Variants in SND1 observed in about 807,000 individuals in gnomAD.
The protein encoded by SND1 is staphylococcal nuclease and tudor domain containing 1.
Under a neutral mutation model 121.7 loss-of-function variants are expected in SND1, and 38 were observed. The ratio of observed to expected loss-of-function variants is 0.31; its 90% CI spans 0.24 to 0.41. SND1 has a LOEUF of 0.41. Among genes scored for constraint, SND1 ranks in the 10% least tolerant of loss-of-function variants. SND1 has a pLI of 1.00. For missense variants in SND1, 868 were observed against 1,184.6 expected (o/e 0.73, Z 3.92); for synonymous variants, 401 against 447.4 (o/e 0.90, Z 1.31).
chr7:128,084,951 T>A, intron 19 of SND1, 104 bp downstream of exon 19: 1 of 1,210,722 alleles, frequency 8.3e-7, no homozygotes, highest in Non-Finnish European at 1.1e-6. Context: ...CCCAGCTGGT[T>A]AATGATGGCC....
intron 16 of SND1, chr7:128,028,501 G>T: frequency 8.4e-6 from 5 of 595,340 alleles, no homozygotes; most frequent in East Asian, 3.2e-5. Flanking sequence ...TTACAAGTTA[G>T]AAAATATTTT....
intron 15 of SND1, among the ~76,000 whole-genome samples, chr7:127,989,834 G>A (rs894302213): frequency 2.6e-5 from 4 of 152,108 alleles, no homozygotes; most frequent in African/African-American, 9.7e-5. Context: ...TGAAATATTT[G>A]TAAGTCTCAG....
chr7:127,685,090 T>C (rs548460493), intron 1 of SND1, among the ~76,000 whole-genome samples: 18 of 152,276 alleles, frequency 1.2e-4, no homozygotes, highest in African/African-American at 3.9e-4. Flanking sequence ...GTTCTGGCAA[T>C]GTGCAGTATT....
At chr7:128,054,862 C>T (rs972347075) in intron 16 of SND1, among the ~76,000 whole-genome samples, 2 of 152,204 alleles carry the variant, frequency 1.3e-5, no homozygotes, top group East Asian at 3.8e-4. Flanking sequence ...ACAGAGGAAA[C>T]AAAATGGGCT....
At chr7:127,891,413 G>A (rs1247308258) in intron 13 of SND1, among the ~76,000 whole-genome samples, 3 of 152,036 alleles carry the variant, frequency 2.0e-5, no homozygotes, top group Non-Finnish European at 2.9e-5. Context: ...GAAGCACCTC[G>A]TTCTCCTATG....
chr7:127,962,166 TTC>T (rs935022540), intron 15 of SND1, among the ~76,000 whole-genome samples: 1 of 152,180 alleles, frequency 6.6e-6, no homozygotes, highest in Non-Finnish European at 1.5e-5. Flanking sequence ...GTATGATGTG[TTC>T]TCTCTCTGCT....
chr7:127,913,695 T>A (rs1045468431), intron 14 of SND1, among the ~76,000 whole-genome samples: 1 of 152,166 alleles, frequency 6.6e-6, no homozygotes, highest in African/African-American at 2.4e-5. Context: ...GGTGTGTGAT[T>A]GGATTGTCTG....
chr7:127,834,447 CTG>C (rs1798828207), intron 11 of SND1, among the ~76,000 whole-genome samples: 1 of 152,150 alleles, frequency 6.6e-6, no homozygotes, highest in South Asian at 2.1e-4. Flanking sequence ...AAAACAATGA[CTG>C]TAAATCAAGA....
At chr7:127,679,737 C>T (rs806161) in intron 1 of SND1, among the ~76,000 whole-genome samples, 8,488 of 152,250 alleles carry the variant, frequency 0.056, 688 homozygotes, top group African/African-American at 0.18. Context: ...TTTCAAGGCT[C>T]ACCCATGTTG....
intron 11 of SND1, among the ~76,000 whole-genome samples, chr7:127,814,478 T>G (rs1798393038): frequency 6.6e-6 from 1 of 152,106 alleles, no homozygotes; most frequent in Non-Finnish European, 1.5e-5. Flanking sequence ...TAGACGAGTG[T>G]GAAGTGAGGC....
At chr7:127,777,959 T>G (rs1300811605) in intron 10 of SND1, among the ~76,000 whole-genome samples, 2 of 152,232 alleles carry the variant, frequency 1.3e-5, no homozygotes, top group Admixed American at 1.3e-4. Context: ...GTGTGTTATC[T>G]GTACCTCTAC....
intron 13 of SND1, among the ~76,000 whole-genome samples, chr7:127,902,432 C>G (rs1252467291): frequency 6.6e-6 from 1 of 152,176 alleles, no homozygotes; most frequent in Non-Finnish European, 1.5e-5. Flanking sequence ...TACGGCTGCT[C>G]CTTCCAATTT....
At chr7:127,993,357 A>G (rs186262299) in intron 16 of SND1, among the ~76,000 whole-genome samples, 2 of 152,268 alleles carry the variant, frequency 1.3e-5, no homozygotes, top group East Asian at 1.9e-4. Context: ...TACTCCCCCA[A>G]CCCCACAAAG....
At chr7:127,731,170 C>T (rs1227934629) in intron 10 of SND1, among the ~76,000 whole-genome samples, 2 of 152,246 alleles carry the variant, frequency 1.3e-5, no homozygotes, top group Non-Finnish European at 2.9e-5. Flanking sequence ...TGGGTGGGGG[C>T]ACTGCCCGCC....
intron 14 of SND1, among the ~76,000 whole-genome samples, chr7:127,925,900 T>TTTTTTTC (rs1418519081): frequency 6.6e-6 from 1 of 151,870 alleles, no homozygotes; most frequent in African/African-American, 2.4e-5. Context: ...CGGCCAGGTC[T>TTTTTTTC]TTTTTTCTTT....
intron 10 of SND1, among the ~76,000 whole-genome samples, chr7:127,801,839 T>C (rs1308796422): frequency 2.6e-5 from 4 of 152,084 alleles, no homozygotes; most frequent in Admixed American, 2.0e-4. Flanking sequence ...CAAAAATTCA[T>C]GTATAGAACT....
chr7:127,707,694 C>G (rs114324932), intron 9 of SND1, 47 bp downstream of exon 9: 3 of 1,470,224 alleles, frequency 2.0e-6, no homozygotes, highest in Non-Finnish European at 2.9e-6. Context: ...CATTGCCAGG[C>G]GAGTAATAAT....
chr7:127,907,475 T>A (rs185453099), intron 14 of SND1, among the ~76,000 whole-genome samples: 10 of 152,340 alleles, frequency 6.6e-5, no homozygotes, highest in South Asian at 2.1e-4. Context: ...TGTTTTTTAA[T>A]CTTTAACTGT....
chr7:127,812,041 G>A (rs1165995194), intron 11 of SND1, among the ~76,000 whole-genome samples: 3 of 152,296 alleles, frequency 2.0e-5, no homozygotes, highest in Non-Finnish European at 4.4e-5. Flanking sequence ...CACCCTGCAA[G>A]ATCTACATGT....
Sources: allele counts gnomAD v4.1 joint callset (sites outside exome capture counted in the v4.1 genomes callset), GRCh38; gene constraint gnomAD v4.1.1; transcripts MANE v1.5; gene names NCBI Gene and HGNC (gene_info 2026-07-23, HGNC 2026-07-21).